The following DCDC1 variants were observed in gnomAD, a reference collection of about 807,000 sequenced individuals.
DCDC1 encodes doublecortin domain containing 1, also known as doublecortin domain-containing protein 1.
A neutral mutation model predicts 178.3 loss-of-function variants in DCDC1; 200 were observed. The observed-to-expected ratio is 1.12, with a 90% CI of 1.00 to 1.26. The LOEUF (loss-of-function observed/expected upper bound fraction) is 1.26, where lower values mean the gene tolerates loss of function less well. DCDC1 is among the 50% of genes most tolerant of loss of function. The pLI is 0.00. For missense variants in DCDC1, 1,983 were observed against 1,749.2 expected, an observed-to-expected ratio of 1.13 and a Z score of -2.38; for synonymous variants, 690 against 604.8, an observed-to-expected ratio of 1.14 and a Z score of -2.07.
intron 20 of DCDC1, among the ~76,000 whole-genome samples, chr11:30,974,175 T>A (rs1390476605): frequency 6.6e-6 from 1 of 151,128 alleles, no homozygotes; most frequent in East Asian, 1.9e-4. Context: ...TAAAAAAAGT[T>A]ATTGAAAAAA....
intron 8 of DCDC1, among the ~76,000 whole-genome samples, chr11:31,246,162 G>A (rs1422143255): frequency 6.6e-6 from 1 of 151,950 alleles, no homozygotes; most frequent in Non-Finnish European, 1.5e-5. Flanking sequence ...ATTTCAAGAA[G>A]CACAGGGAAT....
At chr11:31,043,678 C>T (rs959183878) in intron 20 of DCDC1, among the ~76,000 whole-genome samples, 3 of 152,050 alleles carry the variant, frequency 2.0e-5, no homozygotes, top group South Asian at 2.1e-4. Context: ...GCGATTTTTA[C>T]AATTTTTCCT....
At chr11:30,925,196 A>G in intron 23 of DCDC1, 113 bp downstream of exon 23, 2 of 916,018 alleles carry the variant, frequency 2.2e-6, no homozygotes, top group Non-Finnish European at 3.3e-6. Context: ...GATAATTCTG[A>G]GAGAAAATAA....
intron 9 of DCDC1, among the ~76,000 whole-genome samples, chr11:31,221,963 C>A (rs1224445962): frequency 6.6e-6 from 1 of 152,194 alleles, no homozygotes; most frequent in East Asian, 1.9e-4. Context: ...AATTTCATCA[C>A]TTGTAAGTTC....
rs61879883 is a variant in DCDC1, at chr11:31,324,288, G to T, written c.164+3829C>A. Among the ~76,000 whole-genome samples, 1,244 of 151,772 alleles carry T rather than the reference G, an allele frequency of 8.2e-3. 7 individuals carry two copies. The highest frequency in any genetic ancestry group is 0.013 in the Non-Finnish European group (861 of 67,902). ...AGACACATCTGAGCATAGCATCGGGGGCATAAATCATTCCACCCAAAGGAA... is the reference window on the plus strand; with the variant it reads ...AGACACATCTGAGCATAGCATCGGGTGCATAAATCATTCCACCCAAAGGAA... On this transcript the variant is annotated intron_variant, in intron 3 of 38. Coordinates refer to ENST00000684477, the MANE Select transcript of DCDC1 (RefSeq NM_001387274.1).
chr11:31,166,309 C>T (rs973462825), intron 9 of DCDC1, among the ~76,000 whole-genome samples: 12 of 152,082 alleles, frequency 7.9e-5, no homozygotes, highest in East Asian at 3.8e-4. Context: ...AAAACCATTA[C>T]GATTTTTACT....
intron 9 of DCDC1, among the ~76,000 whole-genome samples, chr11:31,179,057 T>G (rs994783592): frequency 6.6e-6 from 1 of 152,098 alleles, no homozygotes; most frequent in Non-Finnish European, 1.5e-5. Context: ...TAAAAACGGC[T>G]GACAGGTATA....
chr11:31,246,296 A>G (rs1447378797), intron 8 of DCDC1, among the ~76,000 whole-genome samples: 21 of 152,026 alleles, frequency 1.4e-4, no homozygotes, highest in Admixed American at 1.4e-3. Context: ...AGACTATGAA[A>G]GAAAAGCACA....
chr11:31,069,707 T>C (rs1026516914), intron 18 of DCDC1, among the ~76,000 whole-genome samples: 5 of 152,220 alleles, frequency 3.3e-5, no homozygotes, highest in African/African-American at 7.2e-5. Context: ...TATATTGTTA[T>C]GGTAGCTTCA....
intron 26 of DCDC1, 72 bp downstream of exon 26, chr11:30,916,796 AAT>A (rs1945871857): frequency 1.4e-6 from 2 of 1,441,176 alleles, no homozygotes; most frequent in African/African-American, 1.4e-5. Flanking sequence ...AACTCTTGGG[AAT>A]ATATGTGTCC....
At chr11:31,026,287 C>T (rs1329312044) in intron 20 of DCDC1, among the ~76,000 whole-genome samples, 1 of 151,706 alleles carries the variant, frequency 6.6e-6, no homozygotes, top group South Asian at 2.1e-4. Flanking sequence ...ATACATGACA[C>T]CGTACCTTTA....
chr11:30,903,056 C>G (rs1944811478), intron 32 of DCDC1, among the ~76,000 whole-genome samples: 1 of 152,050 alleles, frequency 6.6e-6, no homozygotes, highest in Non-Finnish European at 1.5e-5. Flanking sequence ...AGAGAGGACA[C>G]CTTCTCTTCT....
intron 13 of DCDC1, among the ~76,000 whole-genome samples, chr11:31,106,480 G>GC (rs896836207): frequency 1.4e-4 from 21 of 152,296 alleles, no homozygotes; most frequent in African/African-American, 3.6e-4. Context: ...ATGGGCTTGG[G>GC]CCCCCCGTGG....
At chr11:31,338,948 T>G (rs951365600) in intron 1 of DCDC1, among the ~76,000 whole-genome samples, 3 of 152,150 alleles carry the variant, frequency 2.0e-5, no homozygotes, top group Non-Finnish European at 4.4e-5. Flanking sequence ...TTTATATGAG[T>G]AAGAAATAAA....
chr11:31,145,188 G>T (rs1193398672), intron 9 of DCDC1, among the ~76,000 whole-genome samples: 3 of 151,982 alleles, frequency 2.0e-5, no homozygotes, highest in Admixed American at 6.5e-5. Flanking sequence ...GATTTTTTTT[G>T]GATTTTAGAA....
At chr11:31,357,053 T>C (rs1040780317) in intron 1 of DCDC1, among the ~76,000 whole-genome samples, 12 of 151,342 alleles carry the variant, frequency 7.9e-5, no homozygotes, top group African/African-American at 2.7e-4. Flanking sequence ...TTCCAATCAA[T>C]AGAAAAAGAG....
chr11:31,015,706 C>T (rs767314608), intron 20 of DCDC1, among the ~76,000 whole-genome samples: 11 of 152,138 alleles, frequency 7.2e-5, no homozygotes, highest in South Asian at 2.1e-4. Context: ...ATCCTTAATA[C>T]GCTTTGTGAT....
rs1957990052 is a variant in DCDC1, at chr11:31,094,119, T to C, written c.2049A>G (p.Glu683=). 1.3e-6 allele frequency: 1 copy of C among 766,066 alleles called. No homozygotes were observed. The highest frequency in any genetic ancestry group is 2.4e-6 in the Non-Finnish European group (1 of 417,802). 47.5% of individuals were successfully genotyped at this position (766,066 alleles called of 1,614,324 possible). A position where few individuals can be genotyped will look rare whatever the true frequency, so the allele number is the denominator to read the frequency against. ...SIGKWSFSGS[E]ASSRSQIAPS... ...GCGCTATTTGACTCCTGCTGCTTGCTTCACTGCCTGAGAAACTCCACTTTC... is the reference window on the plus strand; with the variant it reads ...GCGCTATTTGACTCCTGCTGCTTGCCTCACTGCCTGAGAAACTCCACTTTC... The change falls in exon 16 of 39, where the codon GAA becomes GAG. Residue 683 remains glutamate, a synonymous_variant. Transcript: ENST00000684477.
chr11:31,158,145 G>A (rs1028232049), intron 9 of DCDC1, among the ~76,000 whole-genome samples: 1 of 152,070 alleles, frequency 6.6e-6, no homozygotes, highest in African/African-American at 2.4e-5. Flanking sequence ...GTCTCGCTCT[G>A]TCACCCAGGC....
Sources: gnomAD v4.1 joint callset for allele counts (sites outside exome capture counted in the v4.1 genomes callset) on GRCh38, gnomAD v4.1.1 for gene constraint, MANE v1.5 for transcripts, NCBI Gene and HGNC (gene_info 2026-07-23, HGNC 2026-07-21) for gene names.